DLG2: variants seen among roughly 807,000 people sequenced by gnomAD.
The protein encoded by DLG2 is discs large MAGUK scaffold protein 2, also known as disks large homolog 2.
Under a neutral mutation model 132.5 loss-of-function variants are expected in DLG2, and 45 were observed. That is an observed-to-expected ratio of 0.34 (90% CI 0.27 to 0.44). The LOEUF is 0.44. DLG2 is among the 20% of genes least tolerant of loss of function. The pLI is 1.00. For missense variants in DLG2, 1,045 were observed against 1,196.9 expected, an observed-to-expected ratio of 0.87 and a Z score of 1.87; for synonymous variants, 424 against 419.6, an observed-to-expected ratio of 1.01 and a Z score of -0.13.
rs78170482 is a variant in DLG2 at position 84,370,765 on chromosome 11, G to T, written c.520-119474C>A. On this transcript the variant is annotated intron_variant, in intron 7 of 27. Coordinates refer to ENST00000376104, the MANE Select transcript of DLG2 (RefSeq NM_001142699.3). ...TTATAGGTTCGTTATAGGCGTTCAA[G>T]AAATTATTGGTGAACTGAAAGTATA... Among the ~76,000 whole-genome samples, 757 of 152,270 alleles carry T rather than the reference G, an allele frequency of 5.0e-3. 10 individuals carry two copies. The highest frequency in any genetic ancestry group is 0.017 in the African/African-American group (709 of 41,574).
chr11:83,728,073 T>A (rs1386698675), intron 18 of DLG2, among the ~76,000 whole-genome samples: 1 of 152,164 alleles, frequency 6.6e-6, no homozygotes, highest in Non-Finnish European at 1.5e-5. Context: ...CCCATTAATC[T>A]TACCTCCAAA....
At position 84,059,466 on chromosome 11, in the gene DLG2, C is replaced by G; in HGVS notation, c.768G>C (p.Leu256Phe). 6.2e-7 allele frequency: 1 copy of G among 1,604,372 alleles called. No individual in the cohort carries two copies. The highest frequency in any genetic ancestry group is 8.5e-7 in the Non-Finnish European group (1 of 1,175,548). The change falls in exon 11 of 28, where the codon TTG becomes TTC. Residue 256 changes from leucine to phenylalanine, a missense_variant. Physicochemically the swap from Leu to Phe is conservative, Grantham distance 22. Transcript: ENST00000376104. ...CTGACACATCAACCTCATTCACCCG[C>G]AAGATACAATCATTGACCCTGCAAG... Reference protein sequence around the residue: ...DGRLRVNDCILRVNEVDVSEV... With the variant: ...DGRLRVNDCIFRVNEVDVSEV...
At chr11:84,292,711 C>A (rs188897984) in intron 7 of DLG2, among the ~76,000 whole-genome samples, 1 of 151,948 alleles carries the variant, frequency 6.6e-6, no homozygotes, top group Admixed American at 6.6e-5. Flanking sequence ...AGTTTAGATG[C>A]GAGAAATTAC....
At chr11:84,357,196 G>T (rs2098619922) in intron 7 of DLG2, among the ~76,000 whole-genome samples, 1 of 152,050 alleles carries the variant, frequency 6.6e-6, no homozygotes, top group African/African-American at 2.4e-5. Flanking sequence ...GCTGCCTGTA[G>T]ACAGCAAACT....
chr11:84,430,177 C>T (rs954273727), intron 7 of DLG2, among the ~76,000 whole-genome samples: 8 of 152,120 alleles, frequency 5.3e-5, no homozygotes, highest in African/African-American at 1.9e-4. Context: ...GTGGTTCACA[C>T]CTGTAATCCC....
intron 6 of DLG2, 75 bp downstream of exon 6, chr11:85,111,586 C>A: frequency 8.2e-7 from 1 of 1,224,738 alleles, no homozygotes. Context: ...CATTCTGGCT[C>A]ATTCCACTAA....
intron 14 of DLG2, among the ~76,000 whole-genome samples, chr11:83,945,107 T>C (rs759274005): frequency 3.9e-5 from 6 of 152,164 alleles, no homozygotes; most frequent in African/African-American, 1.4e-4. Context: ...ACGGTGGATA[T>C]TACATATAGC....
chr11:84,076,743 T>C (rs918533239), intron 10 of DLG2, among the ~76,000 whole-genome samples: 6 of 152,218 alleles, frequency 3.9e-5, no homozygotes, highest in African/African-American at 1.4e-4. Context: ...TCTCCAAATG[T>C]AACACCACAC....
At chr11:83,778,035 T>C (rs1178197427) in intron 18 of DLG2, among the ~76,000 whole-genome samples, 1 of 152,300 alleles carries the variant, frequency 6.6e-6, no homozygotes, top group Middle Eastern at 3.4e-3. Flanking sequence ...GCCTCATTAC[T>C]CATTATTAAA....
At chr11:84,809,450 GTC>G (rs2076331468) in intron 6 of DLG2, among the ~76,000 whole-genome samples, 1 of 108,452 alleles carries the variant, frequency 9.2e-6, no homozygotes, top group Non-Finnish European at 2.0e-5. Flanking sequence ...AAAAATAAAA[GTC>G]ATAAGAAAGA....
At chr11:84,516,930 A>G (rs1461873674) in intron 7 of DLG2, among the ~76,000 whole-genome samples, 1 of 150,316 alleles carries the variant, frequency 6.7e-6, no homozygotes, top group African/African-American at 2.4e-5. Context: ...TAAAACTATG[A>G]AACTACTAGA....
At chr11:83,778,713 C>T (rs572311686) in intron 18 of DLG2, among the ~76,000 whole-genome samples, 1 of 152,022 alleles carries the variant, frequency 6.6e-6, no homozygotes, top group East Asian at 1.9e-4. Flanking sequence ...TATTATATTA[C>T]TCGAGGTCAA....
At chr11:84,250,556 G>A (rs1244900517) in intron 8 of DLG2, among the ~76,000 whole-genome samples, 3 of 152,126 alleles carry the variant, frequency 2.0e-5, no homozygotes, top group Admixed American at 6.5e-5. Flanking sequence ...TCATCAGCTA[G>A]CGCCCACTCA....
intron 3 of DLG2, among the ~76,000 whole-genome samples, chr11:85,483,550 A>G (rs1362194541): frequency 6.6e-6 from 1 of 152,242 alleles, no homozygotes; most frequent in Admixed American, 6.5e-5. Flanking sequence ...ATAAAACTCA[A>G]TGGTAAAAGA....
intron 6 of DLG2, among the ~76,000 whole-genome samples, chr11:84,744,013 C>T (rs935688044): frequency 2.6e-5 from 4 of 152,134 alleles, no homozygotes; most frequent in African/African-American, 9.7e-5. Context: ...CATGAGCCAC[C>T]GTGCCCGGCC....
At chr11:84,042,488 T>C (rs1344490265) in intron 11 of DLG2, among the ~76,000 whole-genome samples, 1 of 151,920 alleles carries the variant, frequency 6.6e-6, no homozygotes, top group African/African-American at 2.4e-5. Flanking sequence ...AGTATAAAAG[T>C]AAAAATTGAA....
At chr11:84,214,925 T>C (rs535395939) in intron 8 of DLG2, among the ~76,000 whole-genome samples, 1 of 152,314 alleles carries the variant, frequency 6.6e-6, no homozygotes, top group Admixed American at 6.5e-5. Flanking sequence ...TACATTTCAA[T>C]GCAAGTCTTG....
chr11:85,165,647 T>C (rs1001733251), intron 4 of DLG2, among the ~76,000 whole-genome samples: 9 of 152,200 alleles, frequency 5.9e-5, no homozygotes, highest in African/African-American at 2.2e-4. Flanking sequence ...TTCTACTTCA[T>C]AGATGGAATG....
At chr11:85,135,138 A>C (rs1163157973) in intron 5 of DLG2, among the ~76,000 whole-genome samples, 1 of 152,228 alleles carries the variant, frequency 6.6e-6, no homozygotes, top group Non-Finnish European at 1.5e-5. Flanking sequence ...CCCTGGCACA[A>C]CTAACATCTA....
Sources: gnomAD v4.1 joint callset for allele counts (sites outside exome capture counted in the v4.1 genomes callset) on GRCh38, gnomAD v4.1.1 for gene constraint, MANE v1.5 for transcripts, NCBI Gene and HGNC (gene_info 2026-07-23, HGNC 2026-07-21) for gene names.